ALMS1: variants seen among roughly 807,000 people sequenced by gnomAD.
ALMS1 encodes centrosome-associated protein ALMS1.
Under a neutral mutation model 352.2 loss-of-function variants are expected in ALMS1, and 271 were observed. The ratio of observed to expected loss-of-function variants is 0.77; its 90% confidence interval spans 0.70 to 0.85. ALMS1 has a LOEUF of 0.85. ALMS1 is among the 40% of genes least tolerant of loss of function. The pLI is 0.00. For synonymous variants in ALMS1, 1,865 were observed against 1,761.2 expected (o/e 1.06, Z -1.48); for missense variants, 5,445 against 4,870.7 (o/e 1.12, Z -3.51).
At chr2:73,444,248 C>T (rs1427840592) in intron 7 of ALMS1, among the ~76,000 whole-genome samples, 1 of 152,132 alleles carries the variant, frequency 6.6e-6, no homozygotes, top group Non-Finnish European at 1.5e-5. Context: ...GAAATTACAT[C>T]TTCTCCTGTC....
At chr2:73,488,702 C>T (rs1672909506) in intron 9 of ALMS1, among the ~76,000 whole-genome samples, 1 of 152,242 alleles carries the variant, frequency 6.6e-6, no homozygotes, top group Non-Finnish European at 1.5e-5. Context: ...AATATATCTA[C>T]TCCATCACCT....
At chr2:73,582,464 C>T (rs957969754) in intron 16 of ALMS1, among the ~76,000 whole-genome samples, 7 of 152,144 alleles carry the variant, frequency 4.6e-5, no homozygotes, top group Admixed American at 3.3e-4. Flanking sequence ...TATGTTGAAA[C>T]CAATCTCCAG....
intron 19 of ALMS1, 128 bp downstream of exon 19, chr2:73,601,564 A>G: frequency 1.4e-6 from 2 of 1,425,414 alleles, no homozygotes. Context: ...GCACCTCCGC[A>G]GTTCACCTGT....
intron 16 of ALMS1, among the ~76,000 whole-genome samples, chr2:73,583,103 C>T (rs1410659922): frequency 6.6e-6 from 1 of 151,170 alleles, no homozygotes; most frequent in Non-Finnish European, 1.5e-5. Context: ...ATTTGCATTG[C>T]TCTTATGCTT....
At chr2:73,532,270 C>T (rs1368338552) in intron 11 of ALMS1, among the ~76,000 whole-genome samples, 1 of 152,146 alleles carries the variant, frequency 6.6e-6, no homozygotes, top group Non-Finnish European at 1.5e-5. Context: ...GTTCAAGGCC[C>T]TGGGGCTCTA....
intron 15 of ALMS1, among the ~76,000 whole-genome samples, chr2:73,560,254 C>T (rs946541607): frequency 6.6e-6 from 1 of 151,968 alleles, no homozygotes; most frequent in African/African-American, 2.4e-5. Context: ...CTTGAATAGA[C>T]AATAGAAGAT....
chr2:73,453,386 A>G lies in ALMS1; in HGVS notation c.6859A>G (p.Arg2287Gly), dbSNP rs1671991068. Residue 2287 changes from arginine to glycine, a missense_variant, in exon 8 of 23, where the codon AGA becomes GGA. Coordinates refer to ENST00000613296, the MANE Select transcript of ALMS1 (RefSeq NM_001378454.1). ...TTTTCCTGCTCCCCTTGCCCGTTTC[A>G]GAGATATTAGTGATATTTCATTTAT... ...CNFPAPLARF[R>G]DISDISFIQS... 2 of 1,613,772 alleles carry G rather than the reference A, an allele frequency of 1.2e-6. No homozygotes were observed. The highest frequency in any genetic ancestry group is 1.3e-5 in the African/African-American group (1 of 74,878).
intron 7 of ALMS1, 78 bp from the exon 8 acceptor site, chr2:73,447,882 A>C: frequency 7.0e-7 from 1 of 1,428,990 alleles, no homozygotes; most frequent in Non-Finnish European, 9.1e-7. Context: ...TTAAAGGCTC[A>C]AAGCTGGCTT....
chr2:73,564,100 A>G (rs1184462331), intron 15 of ALMS1, among the ~76,000 whole-genome samples: 1 of 150,758 alleles, frequency 6.6e-6, no homozygotes, highest in African/African-American at 2.4e-5. Flanking sequence ...GTTAAACTTA[A>G]AAAAAAAACC....
intron 9 of ALMS1, among the ~76,000 whole-genome samples, chr2:73,483,030 G>T (rs1477057835): frequency 3.3e-5 from 5 of 152,258 alleles, no homozygotes; most frequent in African/African-American, 1.2e-4. Flanking sequence ...CCAGCTCCTG[G>T]ATTCATTAAT....
intron 10 of ALMS1, among the ~76,000 whole-genome samples, chr2:73,518,408 AT>A (rs1673603703): frequency 6.6e-6 from 1 of 152,142 alleles, no homozygotes; most frequent in Admixed American, 6.5e-5. Flanking sequence ...GTTATTGTGA[AT>A]AGTACTATAA....
At chr2:73,413,158 A>AT (rs916843827) in intron 2 of ALMS1, among the ~76,000 whole-genome samples, 2 of 151,260 alleles carry the variant, frequency 1.3e-5, no homozygotes, top group Non-Finnish European at 2.9e-5. Context: ...TCTCTGCCTG[A>AT]TTTTTTGTGG....
At chr2:73,509,333 C>G (rs1673401891) in intron 10 of ALMS1, among the ~76,000 whole-genome samples, 1 of 152,058 alleles carries the variant, frequency 6.6e-6, no homozygotes, top group African/African-American at 2.4e-5. Context: ...GATGTAGTTT[C>G]TTCATAGTGT....
Position 73,491,307 on chromosome 2 carries a change from T to C in ALMS1, c.9348T>C (p.Phe3116=). ...CACAGGATCAAGAATCTTTAGGTTTTCTAGGACCTAAATCTTCACTGGATT... is the reference window on the plus strand; with the variant it reads ...CACAGGATCAAGAATCTTTAGGTTTCCTAGGACCTAAATCTTCACTGGATT... ...PVAQDQESLG[F]LGPKSSLDFQ... is the part of the protein sequence containing the mutation. The change falls in exon 10 of 23, where the codon TTT becomes TTC. Residue 3116 remains phenylalanine, a synonymous_variant. Transcript: ENST00000613296. 1 of 1,614,226 alleles carries C rather than the reference T, an allele frequency of 6.2e-7. No individual in the cohort carries two copies. The highest frequency in any genetic ancestry group is 8.5e-7 in the Non-Finnish European group (1 of 1,180,026).
At chr2:73,455,755 A>C (rs1215657449) in intron 9 of ALMS1, among the ~76,000 whole-genome samples, 2 of 152,222 alleles carry the variant, frequency 1.3e-5, no homozygotes, top group African/African-American at 4.8e-5. Flanking sequence ...CTTACAGTCT[A>C]GATATGTTGT....
chr2:73,597,701 G>A (rs896286104), intron 16 of ALMS1, among the ~76,000 whole-genome samples: 15 of 151,690 alleles, frequency 9.9e-5, no homozygotes, highest in African/African-American at 3.4e-4. Context: ...ACACAAAGAG[G>A]TTATGGCTTG....
At position 73,601,450 on chromosome 2, in the gene ALMS1, G is replaced by T. The variant is rs1057524070; in HGVS notation, c.12114+14G>T. 6.2e-7 allele frequency: 1 copy of T among 1,613,546 alleles called. No individual in the cohort carries two copies. Among genetic ancestry groups the T allele is most frequent in the Non-Finnish European group, 8.5e-7 (1 of 1,179,696 alleles). On this transcript the variant is annotated intron_variant, in intron 19 of 22. Coordinates refer to ENST00000613296, the MANE Select transcript of ALMS1 (RefSeq NM_001378454.1). ...GCAACCCTTCAGGTGCAGTGACGTT[G>T]ACTTAACTTTAATGCTACGTGTAGG... is the stretch of plus-strand genomic sequence containing the variant.
At chr2:73,393,134 T>A (rs953463655) in intron 1 of ALMS1, among the ~76,000 whole-genome samples, 14 of 152,198 alleles carry the variant, frequency 9.2e-5, no homozygotes, top group Non-Finnish European at 1.5e-4. Flanking sequence ...TTTAATTGGG[T>A]TATTTGTCTA....
chr2:73,570,670 A>T (rs1365469375), intron 15 of ALMS1, among the ~76,000 whole-genome samples: 1 of 130,014 alleles, frequency 7.7e-6, no homozygotes, highest in Non-Finnish European at 1.6e-5. Context: ...GAGAGATATG[A>T]TAGGGAAAGG....
Sources: allele counts gnomAD v4.1 joint callset (sites outside exome capture counted in the v4.1 genomes callset), GRCh38; gene constraint gnomAD v4.1.1; transcripts MANE v1.5; gene names NCBI Gene and HGNC (gene_info 2026-07-23, HGNC 2026-07-21).